Variants in PGGT1B observed in about 807,000 individuals in gnomAD.
The protein encoded by PGGT1B is geranylgeranyl transferase type-1 subunit beta.
In PGGT1B, 30 loss-of-function variants were observed where a neutral mutation model predicts 46.1. That is an observed-to-expected ratio of 0.65 (90% CI 0.49 to 0.88). The LOEUF is 0.88. Among genes scored for constraint, PGGT1B ranks in the 40% least tolerant of loss-of-function variants. PGGT1B has a pLI of 0.00. For synonymous variants in PGGT1B, 170 were observed against 160.0 expected, an observed-to-expected ratio of 1.06 and a Z score of -0.47; for missense variants, 376 against 455.9, an observed-to-expected ratio of 0.82 and a Z score of 1.60.
At chr5:115,250,022 A>C (rs936578694) in intron 2 of PGGT1B, among the ~76,000 whole-genome samples, 11 of 152,126 alleles carry the variant, frequency 7.2e-5, no homozygotes, top group Admixed American at 5.9e-4. Context: ...TTTTCTTCTG[A>C]ATCTTTAACA....
At chr5:115,223,304 C>T (rs565339189) in intron 6 of PGGT1B, among the ~76,000 whole-genome samples, 8 of 152,046 alleles carry the variant, frequency 5.3e-5, no homozygotes, top group African/African-American at 1.4e-4. Flanking sequence ...TTACTTTATA[C>T]GGAGAAAGAG....
intron 3 of PGGT1B, among the ~76,000 whole-genome samples, chr5:115,238,467 T>A (rs1329938741): frequency 6.6e-6 from 1 of 151,838 alleles, no homozygotes; most frequent in Admixed American, 6.6e-5. Context: ...CCACCATGCC[T>A]GGCTAAATTA....
At chr5:115,246,389 T>C (rs1489383472) in intron 2 of PGGT1B, among the ~76,000 whole-genome samples, 2 of 151,712 alleles carry the variant, frequency 1.3e-5, no homozygotes, top group Non-Finnish European at 2.9e-5. Flanking sequence ...CTTAAAAATA[T>C]TTATTAGGTA....
chr5:115,260,901 A>C (rs184547092), intron 1 of PGGT1B, among the ~76,000 whole-genome samples: 22 of 152,356 alleles, frequency 1.4e-4, no homozygotes, highest in Non-Finnish European at 2.6e-4. Context: ...GATTTGTCCA[A>C]GCTGGAATTT....
chr5:115,231,035 A>G lies in PGGT1B; in HGVS notation c.613-14T>C, dbSNP rs750149929. 2 of 1,480,768 alleles carry G rather than the reference A, an allele frequency of 1.4e-6. No individual in the cohort carries two copies. Among genetic ancestry groups the G allele is most frequent in the South Asian group, 2.5e-5 (2 of 80,714 alleles). 91.7% of individuals were successfully genotyped at this position (1,480,768 alleles called of 1,614,324 possible). ...ATTGTCATAGGACTGAAAAAGAAAAACATTGTTCAGTTTAATAGGGAAATA... is the reference window on the plus strand; with the variant it reads ...ATTGTCATAGGACTGAAAAAGAAAAGCATTGTTCAGTTTAATAGGGAAATA... On this transcript the variant is annotated splice_polypyrimidine_tract_variant and intron_variant, in intron 5 of 8. Transcript: ENST00000419445.
chr5:115,220,518 G>A (rs2126993678), intron 7 of PGGT1B, among the ~76,000 whole-genome samples: 1 of 151,914 alleles, frequency 6.6e-6, no homozygotes, highest in African/African-American at 2.4e-5. Context: ...AGTTTTGCAT[G>A]GTAGTGACGA....
chr5:115,217,662 G>T (rs892618183), intron 7 of PGGT1B, among the ~76,000 whole-genome samples: 1 of 151,974 alleles, frequency 6.6e-6, no homozygotes, highest in Non-Finnish European at 1.5e-5. Flanking sequence ...TTTAATATAT[G>T]TTAATGAACC....
chr5:115,251,856 GTAA>G (rs1337950712), intron 2 of PGGT1B, among the ~76,000 whole-genome samples: 2 of 151,872 alleles, frequency 1.3e-5, no homozygotes, highest in African/African-American at 4.8e-5. Context: ...AGCACAATCT[GTAA>G]TAATTCTACC....
At chr5:115,259,799 G>A (rs548414600) in intron 1 of PGGT1B, among the ~76,000 whole-genome samples, 1 of 151,954 alleles carries the variant, frequency 6.6e-6, no homozygotes, top group South Asian at 2.1e-4. Flanking sequence ...GAAAATAGAG[G>A]GACATGAGAA....
At chr5:115,261,787 C>T (rs1487231413) in intron 1 of PGGT1B, among the ~76,000 whole-genome samples, 1 of 152,172 alleles carries the variant, frequency 6.6e-6, no homozygotes, top group Admixed American at 6.5e-5. Flanking sequence ...GGATTATGTA[C>T]ATGCCTGTCT....
At chr5:115,245,811 T>A (rs993790380) in intron 2 of PGGT1B, among the ~76,000 whole-genome samples, 1 of 152,126 alleles carries the variant, frequency 6.6e-6, no homozygotes, top group Non-Finnish European at 1.5e-5. Flanking sequence ...GAAAAGACAA[T>A]GTAGTATTTT....
chr5:115,238,151 C>T (rs1757240869), intron 3 of PGGT1B, 142 bp from the exon 4 acceptor site: 1 of 497,696 alleles, frequency 2.0e-6, no homozygotes, highest in East Asian at 3.2e-5. Context: ...TTGAGAAAAA[C>T]AAATCTCCAT....
rs144790750 is a variant in PGGT1B at position 115,242,400 on chromosome 5, C to T, written c.260-794G>A. Among the ~76,000 whole-genome samples, 1,038 of 151,996 alleles carry T rather than the reference C, an allele frequency of 6.8e-3. 8 individuals carry two copies. The highest frequency in any genetic ancestry group is 0.017 in the Middle Eastern group (5 of 294). On this transcript the variant is annotated intron_variant, in intron 2 of 8. Coordinates refer to ENST00000419445, the MANE Select transcript of PGGT1B (RefSeq NM_005023.4). ...GTATCAGCAGACTGTAAATGCACCG[C>T]TGATAAAAAAAAATCGAGTTGGTCT...
rs1040218941 is a variant in PGGT1B, at chr5:115,219,404, G to T, written c.843+2420C>A. Among the ~76,000 whole-genome samples the T allele has an allele frequency of 4.0e-5, 6 of 151,850 alleles. 1 individual carries two copies. The highest frequency in any genetic ancestry group is 8.9e-5 in the Non-Finnish European group (6 of 67,778). ...GAAAATTAGATATCCACATGTCAAA[G>T]AATGAGGTTGGATCTTACCTTACAT... On this transcript the variant is annotated intron_variant, in intron 7 of 8. Transcript: ENST00000419445.
intron 6 of PGGT1B, among the ~76,000 whole-genome samples, chr5:115,223,563 G>A (rs1756655659): frequency 6.6e-6 from 1 of 152,138 alleles, no homozygotes; most frequent in African/African-American, 2.4e-5. Flanking sequence ...AGACACTGTT[G>A]GCGAAAGGAG....
intron 2 of PGGT1B, among the ~76,000 whole-genome samples, chr5:115,246,873 A>G (rs568306573): frequency 2.6e-5 from 4 of 152,352 alleles, no homozygotes; most frequent in South Asian, 4.1e-4. Flanking sequence ...AGATAGCACT[A>G]TATCATAAAA....
intron 1 of PGGT1B, among the ~76,000 whole-genome samples, chr5:115,255,260 T>A (rs1283189319): frequency 6.6e-6 from 1 of 152,142 alleles, no homozygotes; most frequent in East Asian, 1.9e-4. Flanking sequence ...GTTGTAACCA[T>A]TTTCCCCAGA....
rs74817602 is a variant in PGGT1B at position 115,233,230 on chromosome 5, A to C, written c.613-2209T>G. Among the ~76,000 whole-genome samples, 961 of 152,084 alleles carry C rather than the reference A, an allele frequency of 6.3e-3. 4 individuals are homozygous for C. The highest frequency in any genetic ancestry group is 0.014 in the Middle Eastern group (4 of 294). On this transcript the variant is annotated intron_variant, in intron 5 of 8. Transcript: ENST00000419445. ...TCCACACTCAAATACATACCCTCAA[A>C]CAACCATTTGGAAATAAAAAACGAA...
Position 115,253,259 on chromosome 5 carries a change from A to C in PGGT1B, c.141-4T>G. On this transcript the variant is annotated splice_polypyrimidine_tract_variant and splice_region_variant and intron_variant, in intron 1 of 8. Transcript: ENST00000419445. ...TGCAAAAAATGCAATTGTCAACCTAAAAGAAAAAAATGTAAAATTCCATCT... is the reference window on the plus strand; with the variant it reads ...TGCAAAAAATGCAATTGTCAACCTACAAGAAAAAAATGTAAAATTCCATCT... 1.3e-6 allele frequency: 2 copies of C among 1,572,820 alleles called. No individual in the cohort carries two copies. The highest frequency in any genetic ancestry group is 1.7e-6 in the Non-Finnish European group (2 of 1,165,752).
Sources: gnomAD v4.1 joint callset for allele counts (sites outside exome capture counted in the v4.1 genomes callset) on GRCh38, gnomAD v4.1.1 for gene constraint, MANE v1.5 for transcripts, NCBI Gene and HGNC (gene_info 2026-07-23, HGNC 2026-07-21) for gene names.